The following DSCAML1 variants were observed in gnomAD, a reference collection of about 807,000 sequenced individuals.
DSCAML1 encodes the protein cell adhesion molecule DSCAML1.
DSCAML1 carries 38 observed loss-of-function variants against 200.5 expected under a neutral mutation model. That is an observed-to-expected ratio of 0.19 (90% CI 0.15 to 0.25). DSCAML1 has a LOEUF of 0.25. Ranked by LOEUF, DSCAML1 falls within the 10% of genes least tolerant of loss-of-function variation. The pLI is 1.00. For missense variants in DSCAML1, 2,223 were observed against 2,858.8 expected, an observed-to-expected ratio of 0.78 and a Z score of 5.07; for synonymous variants, 1,215 against 1,165.0, an observed-to-expected ratio of 1.04 and a Z score of -0.87.
intron 17 of DSCAML1, among the ~76,000 whole-genome samples, chr11:117,464,625 G>A (rs1301071921): frequency 6.6e-6 from 1 of 152,212 alleles, no homozygotes; most frequent in Non-Finnish European, 1.5e-5. Flanking sequence ...CAGGAAGAAG[G>A]AGGAAGGCCA....
intron 3 of DSCAML1, among the ~76,000 whole-genome samples, chr11:117,570,122 G>A (rs1446220895): frequency 6.6e-6 from 1 of 152,034 alleles, no homozygotes; most frequent in Non-Finnish European, 1.5e-5. Flanking sequence ...GGATGTTCAA[G>A]CTGGCTCAGC....
At chr11:117,745,723 G>A (rs1251064835) in intron 3 of DSCAML1, among the ~76,000 whole-genome samples, 1 of 152,172 alleles carries the variant, frequency 6.6e-6, no homozygotes, top group African/African-American at 2.4e-5. Flanking sequence ...CGTCAGCTCA[G>A]CATGGAGCAT....
upstream of DSCAML1, among the ~76,000 whole-genome samples, chr11:117,799,509 C>T (rs938829775): frequency 2.0e-5 from 3 of 152,192 alleles, no homozygotes; most frequent in Admixed American, 6.5e-5. Context: ...ACCCGAAGGG[C>T]GAGGTCATTC....
At chr11:117,774,003 A>C (rs2055085534) in intron 3 of DSCAML1, among the ~76,000 whole-genome samples, 1 of 152,218 alleles carries the variant, frequency 6.6e-6, no homozygotes, top group African/African-American at 2.4e-5. Context: ...GACATCAAAG[A>C]CAGCCCTGAA....
rs374223633 is a variant in DSCAML1, at chr11:117,687,351, C to T, written c.511+89440G>A. 6.6e-4 allele frequency among the ~76,000 whole-genome samples: 100 copies of T among 151,964 alleles called. 2 individuals are homozygous for T. The South Asian group carries it at 0.011, about 17-fold the overall frequency. ...TCATGGCTGACTGCAGCTTCGAACT[C>T]CTGAGCTCAAGTAATCCTCCTACCT... On this transcript the variant is annotated intron_variant, in intron 3 of 32. Transcript: ENST00000651296.
At chr11:117,582,579 AAG>A (rs950300614) in intron 3 of DSCAML1, among the ~76,000 whole-genome samples, 1 of 152,330 alleles carries the variant, frequency 6.6e-6, no homozygotes, top group African/African-American at 2.4e-5. Flanking sequence ...ATGGGGGAGA[AAG>A]AGAGAGAGTT....
chr11:117,445,809 C>T (rs1262129470), intron 20 of DSCAML1, among the ~76,000 whole-genome samples: 1 of 152,178 alleles, frequency 6.6e-6, no homozygotes, highest in Non-Finnish European at 1.5e-5. Flanking sequence ...TAGGTATTAG[C>T]ATCCAACCCA....
At chr11:117,473,816 G>A (rs1241438971) in intron 14 of DSCAML1, among the ~76,000 whole-genome samples, 1 of 152,192 alleles carries the variant, frequency 6.6e-6, no homozygotes, top group Non-Finnish European at 1.5e-5. Flanking sequence ...GTCACTTTGT[G>A]GTTGGCAGGT....
intron 3 of DSCAML1, among the ~76,000 whole-genome samples, chr11:117,772,511 A>G (rs1021759680): frequency 1.3e-5 from 2 of 152,200 alleles, no homozygotes; most frequent in Admixed American, 1.3e-4. Context: ...AGCAGCAGAC[A>G]CATCTGGCCC....
intron 16 of DSCAML1, among the ~76,000 whole-genome samples, chr11:117,466,932 A>G (rs1565709126): frequency 6.6e-6 from 1 of 152,206 alleles, no homozygotes; most frequent in Non-Finnish European, 1.5e-5. Context: ...TGGGAACTCT[A>G]AGGCTGCAGT....
At chr11:117,735,820 C>T (rs2054307000) in intron 3 of DSCAML1, among the ~76,000 whole-genome samples, 1 of 152,184 alleles carries the variant, frequency 6.6e-6, no homozygotes, top group South Asian at 2.1e-4. Flanking sequence ...TTCCCCCAAG[C>T]CCCAGGGCTC....
chr11:117,583,406 G>T (rs1452545668), intron 3 of DSCAML1, among the ~76,000 whole-genome samples: 1 of 152,102 alleles, frequency 6.6e-6, no homozygotes, highest in Non-Finnish European at 1.5e-5. Flanking sequence ...GACAGTTTAG[G>T]CTTCGTGGTC....
chr11:117,581,637 C>T (rs1234887728), intron 3 of DSCAML1, among the ~76,000 whole-genome samples: 4 of 152,244 alleles, frequency 2.6e-5, no homozygotes, highest in African/African-American at 7.2e-5. Flanking sequence ...AAGATCCATG[C>T]GTTACTTTTA....
At chr11:117,812,220 A>G (rs182928887) in intron 1 of DSCAML1, among the ~76,000 whole-genome samples, 33,841 of 151,930 alleles carry the variant, frequency 0.22, 4,392 homozygotes, top group Non-Finnish European at 0.29. Flanking sequence ...TTACCATCTC[A>G]TTAAAACCTA....
At chr11:117,769,967 CT>C in intron 3 of DSCAML1, among the ~76,000 whole-genome samples, 1 of 152,114 alleles carries the variant, frequency 6.6e-6, no homozygotes, top group Admixed American at 6.5e-5. Context: ...CTTCTTAACC[CT>C]CCAGCCATGT....
At chr11:117,801,066 G>C (rs182763861), upstream of DSCAML1, 24 of 152,312 alleles carry the variant, frequency 1.6e-4, 1 homozygote, top group Admixed American at 1.3e-3. Context: ...GCTAATTCAA[G>C]ATTGACCTTC....
At chr11:117,727,958 G>T (rs2054160639) in intron 3 of DSCAML1, among the ~76,000 whole-genome samples, 1 of 152,200 alleles carries the variant, frequency 6.6e-6, no homozygotes, top group Admixed American at 6.5e-5. Context: ...TCTTATAGAT[G>T]AATTTATAGA....
At chr11:117,591,044 A>AT (rs140457470) in intron 3 of DSCAML1, among the ~76,000 whole-genome samples, 1,695 of 152,336 alleles carry the variant, frequency 0.011, 33 homozygotes, top group African/African-American at 0.039. Context: ...TATGAGGTTC[A>AT]TTGTTCTACA....
At position 117,717,899 on chromosome 11, in the gene DSCAML1, C is replaced by T. The variant is rs1482263482; in HGVS notation, c.511+58892G>A. Among the ~76,000 whole-genome samples the T allele has an allele frequency of 5.9e-5, 9 of 152,172 alleles. No homozygotes were observed. In the East Asian group the frequency reaches 1.5e-3, roughly 26 times the overall value. ...GATGGGCACAAACTGCTTTACCAAC[C>T]TAGTCCCAGGAGGAAATGAGGGGTG... On this transcript the variant is annotated intron_variant, in intron 3 of 32. Coordinates refer to ENST00000651296, the MANE Select transcript of DSCAML1 (RefSeq NM_020693.4).
Sources: allele counts gnomAD v4.1 joint callset (sites outside exome capture counted in the v4.1 genomes callset), GRCh38; gene constraint gnomAD v4.1.1; transcripts MANE v1.5; gene names NCBI Gene and HGNC (gene_info 2026-07-23, HGNC 2026-07-21).